The following RPRD2 variants were observed in gnomAD, a reference collection of about 807,000 sequenced individuals.
RPRD2 encodes regulation of nuclear pre-mRNA domain containing 2.
Under a neutral mutation model 104.4 loss-of-function variants are expected in RPRD2, and 12 were observed. The observed-to-expected ratio is 0.11, with a 90% confidence interval of 0.07 to 0.19. The LOEUF is 0.19. RPRD2 is among the 10% of genes least tolerant of loss of function. The pLI, the probability that RPRD2 is intolerant of heterozygous loss-of-function variation, is 1.00. For synonymous variants in RPRD2, 714 were observed against 684.9 expected, an observed-to-expected ratio of 1.04 and a Z score of -0.66; for missense variants, 1,543 against 1,790.1, an observed-to-expected ratio of 0.86 and a Z score of 2.49.
In RPRD2 at chr1:150,444,278, C is replaced by T; in HGVS notation, c.595C>T (p.Leu199=). 1.9e-6 allele frequency: 3 copies of T among 1,613,488 alleles called. No homozygotes were observed. The highest frequency in any genetic ancestry group is 1.1e-5 in the South Asian group (1 of 91,054). ...TCAGGCCCTAATTGAAGAGCTGTTG[C>T]TATACAAGCGCTCAGAAGATCAGAT... ...RSQALIEELL[L]YKRSEDQIEL... is the part of the protein sequence containing the mutation. Residue 199 remains leucine, a synonymous_variant, in exon 6 of 11, where the codon CTA becomes TTA. Coordinates refer to ENST00000369068, the MANE Select transcript of RPRD2 (RefSeq NM_015203.5).
intron 5 of RPRD2, 99 bp downstream of exon 5, chr1:150,443,382 C>T (rs1027289735): frequency 1.3e-5 from 11 of 874,918 alleles, no homozygotes; most frequent in South Asian, 6.4e-5. Flanking sequence ...TATTCAATTA[C>T]ACATGTCATG....
intron 2 of RPRD2, among the ~76,000 whole-genome samples, chr1:150,438,064 A>ACT (rs1553893554): frequency 1.3e-5 from 2 of 149,222 alleles, no homozygotes; most frequent in South Asian, 2.2e-4. Context: ...CAGGCAGATC[A>ACT]TGAGGTCAGG....
intron 1 of RPRD2, among the ~76,000 whole-genome samples, chr1:150,369,846 T>C (rs1660168199): frequency 6.6e-6 from 1 of 151,888 alleles, no homozygotes; most frequent in Non-Finnish European, 1.5e-5. Flanking sequence ...AGTGGCGGAA[T>C]CTCGGCTCAC....
chr1:150,385,492 G>C (rs1268769293), intron 1 of RPRD2, among the ~76,000 whole-genome samples: 1 of 152,012 alleles, frequency 6.6e-6, no homozygotes, highest in Non-Finnish European at 1.5e-5. Flanking sequence ...TAAATAAGTA[G>C]TTAATATATT....
chr1:150,473,624 G>A lies in RPRD2; in HGVS notation c.*290G>A, dbSNP rs1668752571. The A allele has an allele frequency of 3.9e-6, 1 of 255,256 alleles. No homozygotes were observed. Among genetic ancestry groups the A allele is most frequent in the South Asian group, 1.3e-4 (1 of 7,764 alleles). The allele number at this position is 255,256 out of a possible 1,614,324, so 15.8% of individuals were successfully genotyped here. On this transcript the variant is annotated 3_prime_UTR_variant, in exon 11 of 11. Coordinates refer to ENST00000369068, the MANE Select transcript of RPRD2 (RefSeq NM_015203.5). Reference sequence around the variant, plus strand: ...GCCATTTCATTTGGCTGGGGGGTTGGGGAGTGGGGAGGAAAACAATCTTTA... The same window carrying A: ...GCCATTTCATTTGGCTGGGGGGTTGAGGAGTGGGGAGGAAAACAATCTTTA...
intron 1 of RPRD2, among the ~76,000 whole-genome samples, chr1:150,407,027 T>C (rs1273293126): frequency 6.6e-6 from 1 of 152,258 alleles, no homozygotes; most frequent in Non-Finnish European, 1.5e-5. Flanking sequence ...TAAATTCTTG[T>C]AAGTTCGAAT....
intron 1 of RPRD2, among the ~76,000 whole-genome samples, chr1:150,410,193 AAC>A (rs1663796723): frequency 6.6e-6 from 1 of 152,172 alleles, no homozygotes; most frequent in Non-Finnish European, 1.5e-5. Context: ...TCAGGAAGAT[AAC>A]ACAGTGCCAG....
chr1:150,457,305 T>A lies in RPRD2; in HGVS notation c.888T>A (p.Ala296=). ...TCTTTTAGGCATATAAAACCTTTGC[T>A]AACCGAGTAAACAATTTAAAGAAGA... is the stretch of plus-strand genomic sequence containing the variant. ...KVVANAYKTF[A]NRVNNLKKKL... The change falls in exon 8 of 11, where the codon GCT becomes GCA. Residue 296 remains alanine (A), a synonymous_variant. Transcript: ENST00000369068. The A allele has an allele frequency of 1.2e-6, 2 of 1,610,818 alleles. No homozygotes were observed. The highest frequency in any genetic ancestry group is 1.7e-6 in the Non-Finnish European group (2 of 1,176,974).
In RPRD2 at chr1:150,469,873, C is replaced by T. The variant is rs587725463; in HGVS notation, c.1613-688C>T. Among the ~76,000 whole-genome samples the T allele has an allele frequency of 6.6e-5, 10 of 152,012 alleles. No individual in the cohort carries two copies. In the South Asian group the frequency reaches 1.9e-3, roughly 28 times the overall value. Reference sequence around the variant, plus strand: ...GTTTTCTTGTGAAAGGACCAGTGTCCCTGGTGGTCTGTCTTTGTAAGTCTT... The same window carrying T: ...GTTTTCTTGTGAAAGGACCAGTGTCTCTGGTGGTCTGTCTTTGTAAGTCTT... On this transcript the variant is annotated intron_variant, in intron 10 of 10. Coordinates refer to ENST00000369068, the MANE Select transcript of RPRD2 (RefSeq NM_015203.5).
rs1207454622 is a variant in RPRD2, at chr1:150,475,297, T to G, written c.*1963T>G. 2 of 143,828 alleles carry G rather than the reference T, an allele frequency of 1.4e-5. No homozygotes were observed. Among genetic ancestry groups the G allele is most frequent in the East Asian group, 3.9e-4 (2 of 5,086 alleles). The allele number at this position is 143,828 out of a possible 1,614,324, so 8.9% of individuals were successfully genotyped here. ...ATTTGACTTTCAAAATTGAAATAGG[T>G]TTTTTTTTTGCAGAAATTAAATGGG... On this transcript the variant is annotated 3_prime_UTR_variant, in exon 11 of 11. Transcript: ENST00000369068.
At chr1:150,438,955 G>A (rs946152353) in intron 2 of RPRD2, among the ~76,000 whole-genome samples, 3 of 151,804 alleles carry the variant, frequency 2.0e-5, no homozygotes, top group African/African-American at 4.8e-5. Flanking sequence ...CTGCCTCAGC[G>A]TCCCGAGTAG....
chr1:150,364,751 T>G lies in RPRD2; in HGVS notation c.37T>G (p.Ser13Ala), dbSNP rs782300740. The G allele has an allele frequency of 2.4e-5, 39 of 1,597,482 alleles. No homozygotes were observed. The Admixed American group carries it at 3.0e-4, about 12-fold the overall frequency. ...AGGGGGSSKASSSSASSAGAL... is the reference protein window; with the variant it reads ...AGGGGGSSKAASSSASSAGAL... ...CGGCGGCGGAGGCAGCAGTAAGGCC[T>G]CCTCCTCGTCGGCCTCTTCGGCAGG... Residue 13 changes from serine (S) to alanine (A), a missense_variant, in exon 1 of 11, where the codon TCC becomes GCC. Physicochemically the swap from Ser to Ala is moderately conservative, Grantham distance 99 (BLOSUM62 1). Coordinates refer to ENST00000369068, the MANE Select transcript of RPRD2 (RefSeq NM_015203.5).
At chr1:150,365,008 C>T (rs762653987) in intron 1 of RPRD2, 89 bp downstream of exon 1, 24 of 1,366,974 alleles carry the variant, frequency 1.8e-5, no homozygotes, top group Non-Finnish European at 2.0e-5. Context: ...CACGGAGCCG[C>T]AGCATTTGGT....
At chr1:150,416,884 A>C (rs960176239) in intron 1 of RPRD2, among the ~76,000 whole-genome samples, 2 of 151,106 alleles carry the variant, frequency 1.3e-5, no homozygotes, top group African/African-American at 4.9e-5. Context: ...AAAAAAAAAA[A>C]AAAAAAACAA....
In RPRD2 at chr1:150,471,245, G is replaced by A. The variant is rs756946979; in HGVS notation, c.2297G>A (p.Ser766Asn). 1.2e-6 allele frequency: 2 copies of A among 1,613,748 alleles called. No homozygotes were observed. Among genetic ancestry groups the A allele is most frequent in the Admixed American group, 3.3e-5 (2 of 59,996 alleles). ...IISPGSSTPS[S>N]TRSPPPGRDE... ...AGCCCTGGTTCCTCAACACCCAGCA[G>A]TACAAGATCACCACCCCCTGGGAGA... Residue 766 changes from serine to asparagine, a missense_variant, in exon 11 of 11, where the codon AGT (serine) becomes AAT (asparagine). Physicochemically the swap from Ser to Asn is conservative, Grantham distance 46. Transcript: ENST00000369068. This position sits in a 1 kb window ranked among gnomAD's most constrained non-coding sequence, Gnocchi z 5.3.
intron 1 of RPRD2, among the ~76,000 whole-genome samples, chr1:150,404,796 A>G (rs975752215): frequency 6.6e-5 from 10 of 152,178 alleles, no homozygotes; most frequent in African/African-American, 2.4e-4. Context: ...AAAAATCTGT[A>G]TAACTTACAT....
intron 9 of RPRD2, among the ~76,000 whole-genome samples, chr1:150,463,549 TAA>T (rs1358386559): frequency 1.8e-4 from 27 of 152,288 alleles, no homozygotes; most frequent in African/African-American, 5.3e-4. Context: ...GCTTCTCACT[TAA>T]GTTTCTTTGT....
At position 150,411,469 on chromosome 1, in the gene RPRD2, AC is replaced by A. The variant is rs1287232757; in HGVS notation, c.206-6126del. Among the ~76,000 whole-genome samples, 17 of 116,746 alleles carry A rather than the reference AC, an allele frequency of 1.5e-4. 2 individuals are homozygous for A. The highest frequency in any genetic ancestry group is 4.4e-4 in the African/African-American group (12 of 27,176). The allele number at this position is 116,746 out of a possible 152,430, so 76.6% of individuals were successfully genotyped here. A position where few individuals can be genotyped will look rare whatever the true frequency, so the allele number is the denominator to read the frequency against. On this transcript the variant is annotated intron_variant, in intron 1 of 10. Transcript: ENST00000369068. Reference sequence around the variant, plus strand: ...GAGCTAGACTGTCTCAAAAAAAAAAACAAAAAAAAAACGAAACAAACAAAAG... The same window carrying A: ...GAGCTAGACTGTCTCAAAAAAAAAAAAAAAAAAAAACGAAACAAACAAAAG...
rs189679012 is a variant in RPRD2, at chr1:150,409,830, A to G, written c.206-7766A>G. Reference sequence around the variant, plus strand: ...CGGCTAATTTTTGTATTTTTAGTAGAGAGGGGGTTTCACCATGTTGGTCAA... The same window carrying G: ...CGGCTAATTTTTGTATTTTTAGTAGGGAGGGGGTTTCACCATGTTGGTCAA... On this transcript the variant is annotated intron_variant, in intron 1 of 10. Transcript: ENST00000369068. 1.1e-4 allele frequency among the ~76,000 whole-genome samples: 17 copies of G among 152,076 alleles called. No homozygotes were observed. In the East Asian group the frequency reaches 3.3e-3, roughly 29 times the overall value.
Sources: allele counts gnomAD v4.1 joint callset (sites outside exome capture counted in the v4.1 genomes callset), GRCh38; gene constraint gnomAD v4.1.1; non-coding constraint Gnocchi (gnomAD v3.1); transcripts MANE v1.5; gene names NCBI Gene and HGNC (gene_info 2026-07-23, HGNC 2026-07-21).